Variants in ARHGEF10L observed in about 807,000 individuals in gnomAD.
ARHGEF10L encodes rho guanine nucleotide exchange factor 10-like protein.
A neutral mutation model predicts 141.2 loss-of-function variants in ARHGEF10L; 69 were observed. That is an observed-to-expected ratio of 0.49 (90% CI 0.40 to 0.60). The LOEUF (loss-of-function observed/expected upper bound fraction) is 0.60. ARHGEF10L is among the 20% of genes least tolerant of loss of function. The pLI is 0.00. For missense variants in ARHGEF10L, 1,482 were observed against 1,734.3 expected (o/e 0.85, Z 2.58); for synonymous variants, 711 against 718.5 (o/e 0.99, Z 0.17).
intron 10 of ARHGEF10L, among the ~76,000 whole-genome samples, chr1:17,620,385 G>T (rs184400043): frequency 6.6e-6 from 1 of 152,198 alleles, no homozygotes; most frequent in Non-Finnish European, 1.5e-5. Flanking sequence ...AGGATGTGTT[G>T]TAGGATGGTG....
chr1:17,617,305 T>C (rs1001110653), intron 9 of ARHGEF10L, among the ~76,000 whole-genome samples: 2 of 152,228 alleles, frequency 1.3e-5, no homozygotes, highest in African/African-American at 4.8e-5. Context: ...GGAACTGTCC[T>C]AAAGCCATGG....
At chr1:17,525,557 G>A in the ARHGEF10L span, among the ~76,000 whole-genome samples, 1 of 152,208 alleles carries the variant, frequency 6.6e-6, no homozygotes, top group Non-Finnish European at 1.5e-5. Flanking sequence ...TACTCAGGAG[G>A]CTGAGATGGA....
chr1:17,677,783 G>C (rs1346977894), intron 26 of ARHGEF10L, among the ~76,000 whole-genome samples: 2 of 152,202 alleles, frequency 1.3e-5, no homozygotes, highest in African/African-American at 2.4e-5. Flanking sequence ...GAAGTGGTGG[G>C]GTCAGGAGCT....
At chr1:17,648,711 G>T in intron 22 of ARHGEF10L, 36 bp downstream of exon 22, 1 of 1,600,062 alleles carries the variant, frequency 6.2e-7, no homozygotes, top group Non-Finnish European at 8.5e-7. Flanking sequence ...CGACCTCGAA[G>T]GTGGCTGCGG....
chr1:17,644,703 G>A lies in ARHGEF10L; in HGVS notation c.2273-3851G>A, dbSNP rs1230980189. 2.0e-5 allele frequency among the ~76,000 whole-genome samples: 3 copies of A among 152,198 alleles called. No homozygotes were observed. The highest frequency in any genetic ancestry group is 6.5e-5 in the Admixed American group (1 of 15,280). On this transcript the variant is annotated intron_variant, in intron 21 of 28. Coordinates refer to ENST00000361221, the MANE Select transcript of ARHGEF10L (RefSeq NM_018125.4). The surrounding 1 kb of genome is among the most constrained non-coding windows in gnomAD (Gnocchi z 4.5). ...AGTAAAGGCACGATACTGGGACTGA[G>A]CCCAGTAGGAGTCTGGGAGGCAGGT...
intron 8 of ARHGEF10L, among the ~76,000 whole-genome samples, chr1:17,614,764 T>G (rs1355702699): frequency 6.6e-6 from 1 of 152,176 alleles, no homozygotes; most frequent in East Asian, 1.9e-4. Flanking sequence ...GGGACTTCCT[T>G]CTTTTTCCCT....
chr1:17,621,315 C>A lies in ARHGEF10L; in HGVS notation c.943-549C>A, dbSNP rs1394361303. Among the ~76,000 whole-genome samples, 1 of 152,208 alleles carries A rather than the reference C, an allele frequency of 6.6e-6. No homozygotes were observed. Among genetic ancestry groups the A allele is most frequent in the African/African-American group, 2.4e-5 (1 of 41,456 alleles). ...TGGCGCGATCTTGGCCCACTGCAAC[C>A]TCTGCCTCCCAGGTTCCAGCAATTC... On this transcript the variant is annotated intron_variant, in intron 10 of 28. Transcript: ENST00000361221. This position sits in a 1 kb window ranked among gnomAD's most constrained non-coding sequence, Gnocchi z 4.1.
intron 2 of ARHGEF10L, among the ~76,000 whole-genome samples, chr1:17,584,710 C>T (rs888552275): frequency 2.0e-5 from 3 of 152,164 alleles, no homozygotes; most frequent in South Asian, 2.1e-4. Context: ...GAAGGAAGAA[C>T]GTGCTAGGCC....
At chr1:17,638,055 G>A (rs1050117664) in intron 19 of ARHGEF10L, 52 bp downstream of exon 19, 2 of 1,501,876 alleles carry the variant, frequency 1.3e-6, no homozygotes, top group Non-Finnish European at 9.0e-7. Flanking sequence ...TGTGGGCAGT[G>A]CCTGGATTCA....
chr1:17,590,382 G>A (rs576630151), intron 4 of ARHGEF10L, among the ~76,000 whole-genome samples: 1 of 152,286 alleles, frequency 6.6e-6, no homozygotes, highest in African/African-American at 2.4e-5. Context: ...TTGTGCGGCA[G>A]TGCCTGGTGT....
intron 7 of ARHGEF10L, among the ~76,000 whole-genome samples, chr1:17,609,394 G>T (rs1234220223): frequency 6.6e-6 from 1 of 152,198 alleles, no homozygotes; most frequent in Admixed American, 6.5e-5. Flanking sequence ...TTAATGTCTT[G>T]CTAGCCAAAA....
intron 25 of ARHGEF10L, among the ~76,000 whole-genome samples, chr1:17,660,251 G>C (rs941727852): frequency 6.6e-6 from 1 of 152,220 alleles, no homozygotes; most frequent in African/African-American, 2.4e-5. Flanking sequence ...TGGGGCTGTG[G>C]TTCGGAGTCC....
intron 27 of ARHGEF10L, chr1:17,694,705 G>A (rs751941613): frequency 3.3e-4 from 113 of 344,594 alleles, no homozygotes; most frequent in Admixed American, 9.4e-4. Flanking sequence ...AGCCCCACCC[G>A]GCCCTACTTA....
chr1:17,587,351 A>G, intron 2 of ARHGEF10L, 109 bp from the exon 3 acceptor site: 1 of 1,121,636 alleles, frequency 8.9e-7, no homozygotes, highest in Non-Finnish European at 1.3e-6. Context: ...TCCCTGGCTC[A>G]GACCTGAGGT....
rs183733746 is a variant in ARHGEF10L, at chr1:17,628,986, G to A, written c.1584+1483G>A. ...TGCTTCAGGCCAAATTCAGGTTGCA[G>A]GTTGTGTTGTGGCCCACACAGTATT... On this transcript the variant is annotated intron_variant, in intron 15 of 28. Coordinates refer to ENST00000361221, the MANE Select transcript of ARHGEF10L (RefSeq NM_018125.4). Among the ~76,000 whole-genome samples the A allele has an allele frequency of 7.5e-4, 114 of 152,276 alleles. 1 individual carries two copies. The highest frequency in any genetic ancestry group is 7.3e-3 in the Admixed American group (111 of 15,284).
chr1:17,518,252 A>G, the ARHGEF10L span, among the ~76,000 whole-genome samples: 1 of 152,316 alleles, frequency 6.6e-6, no homozygotes, highest in East Asian at 1.9e-4. Flanking sequence ...CTGGTGTCTG[A>G]GCAGAAAGTG....
chr1:17,569,514 G>C (rs961910695), intron 1 of ARHGEF10L, among the ~76,000 whole-genome samples: 4 of 152,192 alleles, frequency 2.6e-5, no homozygotes, highest in African/African-American at 9.7e-5. Context: ...CTTTGCAAAG[G>C]CTGTTTCTTT....
At position 17,627,508 on chromosome 1, in the gene ARHGEF10L, G is replaced by A; in HGVS notation, c.1584+5G>A. On this transcript the variant is annotated splice_donor_5th_base_variant and intron_variant, in intron 15 of 28. Coordinates refer to ENST00000361221, the MANE Select transcript of ARHGEF10L (RefSeq NM_018125.4). The surrounding 1 kb of genome is among the most constrained non-coding windows in gnomAD (Gnocchi z 4.0). Reference sequence around the variant, plus strand: ...GACCGCAGCAGCCTCAACAAGGTGAGCTGGGCCTCCCACCTGCCTGCCCTC... The same window carrying A: ...GACCGCAGCAGCCTCAACAAGGTGAACTGGGCCTCCCACCTGCCTGCCCTC... 6.2e-7 allele frequency: 1 copy of A among 1,611,112 alleles called. No homozygotes were observed. The highest frequency in any genetic ancestry group is 1.7e-5 in the Admixed American group (1 of 59,916).
the ARHGEF10L span, among the ~76,000 whole-genome samples, chr1:17,514,167 C>T: frequency 8.0e-6 from 1 of 124,840 alleles, no homozygotes; most frequent in African/African-American, 3.1e-5. Flanking sequence ...GACAGAGTCT[C>T]GCTCCGTTGC....
Sources: gnomAD v4.1 joint callset for allele counts (sites outside exome capture counted in the v4.1 genomes callset) on GRCh38, gnomAD v4.1.1 for gene constraint, Gnocchi (gnomAD v3.1) non-coding constraint, MANE v1.5 for transcripts, NCBI Gene and HGNC (gene_info 2026-07-23, HGNC 2026-07-21) for gene names.